Variants in FRMD4B observed in about 807,000 individuals in gnomAD.
The protein encoded by FRMD4B is FERM domain containing 4B.
FRMD4B carries 74 observed loss-of-function variants against 141.5 expected under a neutral mutation model. That is an observed-to-expected ratio of 0.52 (90% CI 0.43 to 0.63). The LOEUF (loss-of-function observed/expected upper bound fraction) is 0.63. Ranked by LOEUF, FRMD4B falls within the 30% of genes least tolerant of loss-of-function variation. FRMD4B has a pLI of 0.00. For synonymous variants in FRMD4B, 506 were observed against 467.9 expected (o/e 1.08, Z -1.05); for missense variants, 1,366 against 1,253.4 (o/e 1.09, Z -1.36).
chr3:69,216,022 C>T lies in FRMD4B; in HGVS notation c.876+241G>A, dbSNP rs575851404. ...TACAAAAATTAGCCGGGTGTGGTGG[C>T]GTGTGCCTGTAATCCCAGCTACTTG... On this transcript the variant is annotated intron_variant, in intron 11 of 22. Coordinates refer to ENST00000398540, the MANE Select transcript of FRMD4B (RefSeq NM_015123.3). Among the ~76,000 whole-genome samples the T allele has an allele frequency of 2.1e-3, 315 of 152,200 alleles. 2 individuals are homozygous for T. The highest frequency in any genetic ancestry group is 7.4e-3 in the African/African-American group (309 of 41,558).
chr3:69,488,368 A>G (rs1302849089), intron 1 of FRMD4B, among the ~76,000 whole-genome samples: 1 of 152,200 alleles, frequency 6.6e-6, no homozygotes. Flanking sequence ...AAGGCTTCAC[A>G]TCATGTTAGA....
At chr3:69,522,746 C>T (rs921147124) in intron 1 of FRMD4B, among the ~76,000 whole-genome samples, 5 of 152,118 alleles carry the variant, frequency 3.3e-5, no homozygotes, top group African/African-American at 9.7e-5. Context: ...TTCTGCACCC[C>T]CATCTCCAGC....
rs545303487 is a variant in FRMD4B, at chr3:69,336,255, G to C, written c.163-22738C>G. ...CAGTGGTTCTTGAAGTGTGGTCTTA[G>C]GACTCACAGCAGCATCAACTGGAGC... On this transcript the variant is annotated intron_variant, in intron 1 of 22. Coordinates refer to ENST00000398540, the MANE Select transcript of FRMD4B (RefSeq NM_015123.3). 3.9e-5 allele frequency among the ~76,000 whole-genome samples: 6 copies of C among 152,318 alleles called. No homozygotes were observed. The South Asian group carries it at 1.2e-3, about 32-fold the overall frequency.
intron 1 of FRMD4B, among the ~76,000 whole-genome samples, chr3:69,458,063 T>C (rs572065011): frequency 6.6e-6 from 1 of 152,318 alleles, no homozygotes; most frequent in Admixed American, 6.5e-5. Flanking sequence ...GGGAATCTCC[T>C]CTCCCAAACT....
chr3:69,446,376 T>C (rs961473388), intron 1 of FRMD4B, among the ~76,000 whole-genome samples: 4 of 148,330 alleles, frequency 2.7e-5, no homozygotes, highest in Non-Finnish European at 6.0e-5. Flanking sequence ...TCTGTCATCC[T>C]GGCTGGAGTG....
rs1357271489 is a variant in FRMD4B, at chr3:69,313,448, C to CTA, written c.228+2_228+3dup. 1.3e-6 allele frequency: 2 copies of CTA among 1,564,402 alleles called. No homozygotes were observed. Among genetic ancestry groups the CTA allele is most frequent in the Non-Finnish European group, 1.7e-6 (2 of 1,152,784 alleles). ...TGGGCAACACACATGTGGGCCACAC[C>CTA]TACCTGAACCAGCAGCTCCAGTCTC... On this transcript the variant is annotated splice_donor_region_variant and intron_variant, in intron 2 of 22. Transcript: ENST00000398540.
At chr3:69,341,736 T>A (rs1306775195) in intron 1 of FRMD4B, among the ~76,000 whole-genome samples, 1 of 152,216 alleles carries the variant, frequency 6.6e-6, no homozygotes, top group Non-Finnish European at 1.5e-5. Context: ...CTCTGTCTCT[T>A]TAACGGATTA....
At chr3:69,462,926 C>T (rs1190841162) in intron 1 of FRMD4B, among the ~76,000 whole-genome samples, 2 of 152,228 alleles carry the variant, frequency 1.3e-5, no homozygotes, top group Non-Finnish European at 2.9e-5. Context: ...TGTCACAAAG[C>T]CAGCTTTCTC....
chr3:69,359,677 A>G (rs1703419793), intron 1 of FRMD4B, among the ~76,000 whole-genome samples: 3 of 152,158 alleles, frequency 2.0e-5, no homozygotes, highest in Non-Finnish European at 4.4e-5. Flanking sequence ...CAGAGATGAA[A>G]AGAGGTAGGG....
At chr3:69,345,498 C>A (rs528922209) in intron 1 of FRMD4B, among the ~76,000 whole-genome samples, 17 of 152,294 alleles carry the variant, frequency 1.1e-4, no homozygotes, top group African/African-American at 3.8e-4. Flanking sequence ...GTTGTTCTCC[C>A]AGCAGGAGTT....
chr3:69,365,138 T>C (rs949574643), intron 1 of FRMD4B, among the ~76,000 whole-genome samples: 8 of 152,278 alleles, frequency 5.3e-5, no homozygotes, highest in East Asian at 1.9e-4. Flanking sequence ...CAATGCTCTA[T>C]ATAAACCTAT....
At position 69,317,659 on chromosome 3, in the gene FRMD4B, G is replaced by A. The variant is rs931104051; in HGVS notation, c.163-4142C>T. Among the ~76,000 whole-genome samples the A allele has an allele frequency of 2.0e-5, 3 of 148,630 alleles. No homozygotes were observed. The Admixed American group carries it at 2.1e-4, about 10-fold the overall frequency. On this transcript the variant is annotated intron_variant, in intron 1 of 22. Transcript: ENST00000398540. ...AATCCCAGCTACTTGGGAGGCTGAG[G>A]CAGGAGAATTGCTTGAACCCAGGAG...
intron 1 of FRMD4B, among the ~76,000 whole-genome samples, chr3:69,326,217 A>G (rs1302122581): frequency 1.4e-5 from 2 of 146,506 alleles, no homozygotes; most frequent in Non-Finnish European, 3.0e-5. Context: ...TCGGCCTCCC[A>G]TAGTGCTGGG....
chr3:69,478,399 G>T (rs193236595), intron 1 of FRMD4B, among the ~76,000 whole-genome samples: 3,736 of 152,260 alleles, frequency 0.025, 169 homozygotes, highest in African/African-American at 0.085. Flanking sequence ...ATTCTGGTAT[G>T]TTGTGTCTTT....
At chr3:69,376,175 C>T (rs1703966425) in intron 1 of FRMD4B, among the ~76,000 whole-genome samples, 3 of 151,922 alleles carry the variant, frequency 2.0e-5, no homozygotes, top group Admixed American at 1.3e-4. Flanking sequence ...AACTTCAGGG[C>T]AGGATTTTCT....
chr3:69,211,460 T>G (rs982127730), intron 11 of FRMD4B, among the ~76,000 whole-genome samples: 2 of 152,216 alleles, frequency 1.3e-5, no homozygotes, highest in Admixed American at 1.3e-4. Flanking sequence ...GAAGAGCATC[T>G]GCTGGATGCC....
intron 1 of FRMD4B, among the ~76,000 whole-genome samples, chr3:69,370,572 G>A (rs1017906877): frequency 3.3e-5 from 5 of 152,230 alleles, no homozygotes; most frequent in Admixed American, 6.5e-5. Context: ...TTACACTGGC[G>A]TGGGCTATTT....
At chr3:69,361,138 C>CG (rs1703460603) in intron 1 of FRMD4B, among the ~76,000 whole-genome samples, 1 of 152,080 alleles carries the variant, frequency 6.6e-6, no homozygotes, top group African/African-American at 2.4e-5. Flanking sequence ...TTATGTGTTT[C>CG]AATCCATTAA....
At chr3:69,307,238 A>G (rs1701426717) in intron 3 of FRMD4B, among the ~76,000 whole-genome samples, 9 of 152,136 alleles carry the variant, frequency 5.9e-5, no homozygotes, top group Admixed American at 5.9e-4. Flanking sequence ...GTAACTGGGA[A>G]AAAGGCTGTG....
Sources: allele counts gnomAD v4.1 joint callset (sites outside exome capture counted in the v4.1 genomes callset), GRCh38; gene constraint gnomAD v4.1.1; transcripts MANE v1.5; gene names NCBI Gene and HGNC (gene_info 2026-07-23, HGNC 2026-07-21).